The following PRSS3 variants were observed in gnomAD, a reference collection of about 807,000 sequenced individuals.
The protein encoded by PRSS3 is serine protease 3.
Under a neutral mutation model 20.8 loss-of-function variants are expected in PRSS3, and 14 were observed. The ratio of observed to expected loss-of-function variants is 0.67; its 90% CI spans 0.44 to 1.05. The LOEUF is 1.05. Ranked by LOEUF, PRSS3 falls within the 50% of genes least tolerant of loss-of-function variation. The pLI is 0.00. For missense variants in PRSS3, 237 were observed against 306.4 expected, an observed-to-expected ratio of 0.77 and a Z score of 1.69; for synonymous variants, 91 against 117.6, an observed-to-expected ratio of 0.77 and a Z score of 1.46.
At chr9:33,766,445 C>T (rs1385236893) in intron 1 of PRSS3, among the ~76,000 whole-genome samples, 2 of 151,466 alleles carry the variant, frequency 1.3e-5, no homozygotes, top group Admixed American at 1.3e-4. Context: ...TGGTGGCAGG[C>T]GCCTGTAGTC....
chr9:33,768,095 G>T (rs1407816853), intron 1 of PRSS3, among the ~76,000 whole-genome samples: 1 of 152,216 alleles, frequency 6.6e-6, no homozygotes, highest in East Asian at 1.9e-4. Flanking sequence ...AGCAGACGTG[G>T]CTTTGGAACT....
At position 33,750,795 on chromosome 9, in the gene PRSS3, A is replaced by G. The variant is rs993232969; in HGVS notation, c.-53+68A>G. 5 of 1,411,108 alleles carry G rather than the reference A, an allele frequency of 3.5e-6. No homozygotes were observed. In the African/African-American group the frequency reaches 7.6e-5, roughly 21 times the overall value. The allele number at this position is 1,411,108 out of a possible 1,614,324, so 87.4% of individuals were successfully genotyped here. On this transcript the variant is annotated intron_variant, in intron 1 of 5. Coordinates refer to the PRSS3 transcript ENST00000342836. This position sits in a 1 kb window ranked among gnomAD's most constrained non-coding sequence, Gnocchi z 4.8. ...GCTCGAAGGGAGAGGGAGCCCCGCC[A>G]AGGAGCGGGGCTGTGATGGAGAGGG... is the stretch of plus-strand genomic sequence containing the variant.
upstream of PRSS3, among the ~76,000 whole-genome samples, chr9:33,793,238 A>G (rs78679994): frequency 1.7e-3 from 266 of 152,360 alleles, 2 homozygotes; most frequent in Admixed American, 0.015. Flanking sequence ...CTCCAAAAAA[A>G]GTTTCCATCT....
At chr9:33,775,628 G>T (rs530627941) in intron 1 of PRSS3, among the ~76,000 whole-genome samples, 1 of 152,062 alleles carries the variant, frequency 6.6e-6, no homozygotes, top group South Asian at 2.1e-4. Flanking sequence ...AGACAAGGGG[G>T]ACTTGAAAAC....
rs138816723 is a variant in PRSS3 at position 33,781,266 on chromosome 9, A to C, written c.-52-13480A>C. The stretch of plus-strand genomic sequence containing the variant: ...ATCACCATGCAATTCACAATAGCAA[A>C]GACATGGAATCAAGCGAGGTGCCCA... On this transcript the variant is annotated intron_variant, in intron 1 of 5. Coordinates refer to the PRSS3 transcript ENST00000342836. Among the ~76,000 whole-genome samples the C allele has an allele frequency of 7.8e-3, 1,187 of 152,340 alleles. 13 individuals carry two copies. Among genetic ancestry groups the C allele is most frequent in the African/African-American group, 0.026 (1,086 of 41,574 alleles).
chr9:33,781,756 A>C (rs1176044027), intron 1 of PRSS3, among the ~76,000 whole-genome samples: 1 of 152,226 alleles, frequency 6.6e-6, no homozygotes, highest in African/African-American at 2.4e-5. Flanking sequence ...GTTTTCTAAG[A>C]AACTAAAAAG....
At chr9:33,774,982 A>G (rs528442871) in intron 1 of PRSS3, among the ~76,000 whole-genome samples, 59 of 152,024 alleles carry the variant, frequency 3.9e-4, no homozygotes, top group Non-Finnish European at 7.8e-4. Context: ...GCGAAACTCC[A>G]TCTCAAAAAA....
chr9:33,754,279 T>C (rs867966755), intron 1 of PRSS3, among the ~76,000 whole-genome samples: 11 of 151,312 alleles, frequency 7.3e-5, no homozygotes, highest in Middle Eastern at 3.2e-3. Context: ...ACCATGTTGG[T>C]CAGGCTGGTC....
Position 33,796,159 on chromosome 9 carries a change from T to C in PRSS3, c.41-484T>C, listed in dbSNP as rs706142. The stretch of plus-strand genomic sequence containing the variant: ...TACCTTTGTTATGCCAAAGTGAGCC[T>C]GGGGCTGCCCTCAACTCTGCCCTCA... On this transcript the variant is annotated intron_variant, in intron 1 of 4. Coordinates refer to ENST00000379405, the MANE Select transcript of PRSS3 (RefSeq NM_002771.4). Among the ~76,000 whole-genome samples the C allele has an allele frequency of 5.5e-3, 837 of 152,310 alleles. 7 individuals carry two copies. Among genetic ancestry groups the C allele is most frequent in the Non-Finnish European group, 7.1e-3 (482 of 68,016 alleles).
chr9:33,793,896 T>G (rs367769165), upstream of PRSS3, among the ~76,000 whole-genome samples: 1 of 144,980 alleles, frequency 6.9e-6, no homozygotes, highest in Non-Finnish European at 1.5e-5. Context: ...CTGTTGCTTA[T>G]GTGAAAACTC....
At chr9:33,758,923 G>T (rs1202212782) in intron 1 of PRSS3, among the ~76,000 whole-genome samples, 2 of 152,180 alleles carry the variant, frequency 1.3e-5, no homozygotes, top group African/African-American at 4.8e-5. Flanking sequence ...AGATTCTGTA[G>T]ACTAATGGGC....
At chr9:33,764,936 A>T (rs1823351990) in intron 1 of PRSS3, among the ~76,000 whole-genome samples, 1 of 152,164 alleles carries the variant, frequency 6.6e-6, no homozygotes, top group South Asian at 2.1e-4. Context: ...TTAGGGAAAC[A>T]AAACAACAAA....
intron 1 of PRSS3, among the ~76,000 whole-genome samples, chr9:33,765,414 C>T (rs576309331): frequency 0.011 from 1,721 of 152,318 alleles, 10 homozygotes; most frequent in South Asian, 0.042. Context: ...TTAGCAACCT[C>T]AGCATACTAT....
At chr9:33,792,139 C>A (rs12000132), upstream of PRSS3, among the ~76,000 whole-genome samples, 8,739 of 151,766 alleles carry the variant, frequency 0.058, 862 homozygotes, top group African/African-American at 0.2. Context: ...TTGGATAAAG[C>A]GAAATTGTGC....
intron 1 of PRSS3, among the ~76,000 whole-genome samples, chr9:33,755,959 CT>C (rs1421685820): frequency 6.6e-6 from 1 of 152,108 alleles, no homozygotes; most frequent in Admixed American, 6.5e-5. Context: ...TACATACGCA[CT>C]TTTTTTTCTG....
intron 1 of PRSS3, among the ~76,000 whole-genome samples, chr9:33,777,062 A>G (rs13292232): frequency 0.11 from 16,997 of 152,166 alleles, 1,311 homozygotes; most frequent in Non-Finnish European, 0.16. Flanking sequence ...GAAAAATCAT[A>G]CATACCAGGA....
At chr9:33,769,780 A>G (rs1452431935) in intron 1 of PRSS3, among the ~76,000 whole-genome samples, 5 of 152,214 alleles carry the variant, frequency 3.3e-5, no homozygotes, top group African/African-American at 1.2e-4. Context: ...GCCACCATTT[A>G]GGGTAGAGGA....
Position 33,786,709 on chromosome 9 carries a change from T to C in PRSS3, c.-52-8037T>C, listed in dbSNP as rs1587391859. 13 of 766,160 alleles carry C rather than the reference T, an allele frequency of 1.7e-5. No individual in the cohort carries two copies. The East Asian group carries it at 3.2e-4, about 19-fold the overall frequency. 47.5% of individuals were successfully genotyped at this position (766,160 alleles called of 1,614,324 possible). A position where few individuals can be genotyped will look rare whatever the true frequency, so the allele number is the denominator to read the frequency against. On this transcript the variant is annotated intron_variant, in intron 1 of 5. Transcript: ENST00000342836. ...CAAATCAGGGCTCTGAGGCCACATA[T>C]GAGAGCAGATTTGTCATTGACAAGT...
intron 1 of PRSS3, among the ~76,000 whole-genome samples, chr9:33,766,490 G>A (rs1165146497): frequency 4.6e-5 from 7 of 151,870 alleles, no homozygotes; most frequent in Admixed American, 1.3e-4. Flanking sequence ...GGAGAATGGC[G>A]TGAACCGGGG....
Sources: gnomAD v4.1 joint callset for allele counts (sites outside exome capture counted in the v4.1 genomes callset) on GRCh38, gnomAD v4.1.1 for gene constraint, Gnocchi (gnomAD v3.1) non-coding constraint, MANE v1.5 for transcripts, NCBI Gene and HGNC (gene_info 2026-07-23, HGNC 2026-07-21) for gene names.